TNFSF4: variants seen among roughly 807,000 people sequenced by gnomAD.
TNFSF4 encodes tumor necrosis factor ligand superfamily member 4.
TNFSF4 carries 4 observed loss-of-function variants against 7.3 expected under a neutral mutation model. The observed-to-expected ratio is 0.55, with a 90% CI of 0.27 to 1.25. TNFSF4 has a LOEUF of 1.25. Ranked by LOEUF, TNFSF4 falls within the 50% of genes most tolerant of loss-of-function variation. The pLI is 0.12. For synonymous variants in TNFSF4, 76 were observed against 83.7 expected, an observed-to-expected ratio of 0.91 and a Z score of 0.50; for missense variants, 181 against 208.8, an observed-to-expected ratio of 0.87 and a Z score of 0.82.
chr1:173,222,512 G>A, the TNFSF4 span, among the ~76,000 whole-genome samples: 5 of 152,204 alleles, frequency 3.3e-5, no homozygotes, highest in Admixed American at 2.0e-4. Flanking sequence ...GGAAGGACTG[G>A]TTTAAAATTA....
the TNFSF4 span, among the ~76,000 whole-genome samples, chr1:173,377,535 C>A: frequency 3.8e-3 from 574 of 152,352 alleles, 5 homozygotes; most frequent in African/African-American, 0.012. Context: ...TCTATCCTAT[C>A]GATCCTGACC....
chr1:173,240,523 T>G, the TNFSF4 span, among the ~76,000 whole-genome samples: 1 of 152,196 alleles, frequency 6.6e-6, no homozygotes, highest in Non-Finnish European at 1.5e-5. Flanking sequence ...AAATGTAAAC[T>G]TAAATTATTA....
chr1:173,279,229 T>C, the TNFSF4 span, among the ~76,000 whole-genome samples: 3 of 152,124 alleles, frequency 2.0e-5, no homozygotes, highest in Non-Finnish European at 4.4e-5. Flanking sequence ...CTCACCTTTC[T>C]TTTGATCTTT....
At chr1:173,320,159 G>A in the TNFSF4 span, among the ~76,000 whole-genome samples, 6 of 152,162 alleles carry the variant, frequency 3.9e-5, no homozygotes, top group Non-Finnish European at 7.3e-5. Context: ...TCATCCTTGG[G>A]ATGCAAGGCT....
At chr1:173,431,144 G>A in the TNFSF4 span, among the ~76,000 whole-genome samples, 148 of 152,306 alleles carry the variant, frequency 9.7e-4, 1 homozygote, top group Non-Finnish European at 1.7e-3. Flanking sequence ...TTTTGTTGTT[G>A]TAGACCTAAA....
At chr1:173,332,209 G>GTT in the TNFSF4 span, among the ~76,000 whole-genome samples, 1 of 152,168 alleles carries the variant, frequency 6.6e-6, no homozygotes, top group Non-Finnish European at 1.5e-5. Flanking sequence ...TGATCCAGCT[G>GTT]CTCTCACTCA....
the TNFSF4 span, among the ~76,000 whole-genome samples, chr1:173,438,875 T>C: frequency 2.0e-5 from 3 of 152,232 alleles, no homozygotes; most frequent in East Asian, 5.8e-4. Context: ...TGCACAACTT[T>C]CATTTAGCAT....
At chr1:173,421,510 C>A in the TNFSF4 span, among the ~76,000 whole-genome samples, 1 of 152,162 alleles carries the variant, frequency 6.6e-6, no homozygotes. Flanking sequence ...CATCTGCCAG[C>A]TGCTGGTAAA....
the TNFSF4 span, among the ~76,000 whole-genome samples, chr1:173,304,074 A>C: frequency 1.3e-5 from 2 of 151,898 alleles, no homozygotes; most frequent in South Asian, 2.1e-4. Context: ...GAAAACAGTT[A>C]TTTCTTTCTT....
At chr1:173,417,845 T>C in the TNFSF4 span, 1 of 152,224 alleles carries the variant, frequency 6.6e-6, no homozygotes, top group Non-Finnish European at 1.5e-5. Flanking sequence ...CTCTGAACTT[T>C]AAAGGAACAC....
the TNFSF4 span, among the ~76,000 whole-genome samples, chr1:173,269,689 A>T: frequency 2.0e-5 from 3 of 152,142 alleles, no homozygotes; most frequent in African/African-American, 7.2e-5. Context: ...ATATTTCATC[A>T]TGCTACTCAG....
chr1:173,215,683 A>T, the TNFSF4 span, among the ~76,000 whole-genome samples: 1 of 152,196 alleles, frequency 6.6e-6, no homozygotes, highest in Non-Finnish European at 1.5e-5. Context: ...TGCATTAAAC[A>T]TCTCTTAAAG....
chr1:173,249,364 A>G, the TNFSF4 span, among the ~76,000 whole-genome samples: 1 of 152,248 alleles, frequency 6.6e-6, no homozygotes, highest in African/African-American at 2.4e-5. Context: ...GACATCTCTC[A>G]TATTAACAAA....
At chr1:173,256,516 C>T in the TNFSF4 span, among the ~76,000 whole-genome samples, 1 of 152,112 alleles carries the variant, frequency 6.6e-6, no homozygotes, top group Admixed American at 6.5e-5. Flanking sequence ...AGAGCCATCA[C>T]ATTGGGGGCT....
the TNFSF4 span, among the ~76,000 whole-genome samples, chr1:173,306,472 T>C: frequency 3.3e-5 from 5 of 151,888 alleles, no homozygotes; most frequent in African/African-American, 7.2e-5. Context: ...GCAAAGGTAA[T>C]ATTTCACCAT....
At chr1:173,437,643 C>T in the TNFSF4 span, among the ~76,000 whole-genome samples, 1 of 151,926 alleles carries the variant, frequency 6.6e-6, no homozygotes, top group East Asian at 1.9e-4. Context: ...CTCAATTGAC[C>T]CAAAACCACC....
intron 1 of TNFSF4, among the ~76,000 whole-genome samples, chr1:173,200,241 T>C (rs1281598044): frequency 6.6e-6 from 1 of 152,240 alleles, no homozygotes; most frequent in Non-Finnish European, 1.5e-5. Context: ...AGTCTTAATT[T>C]CTAACCCTGA....
At chr1:173,405,034 C>A in the TNFSF4 span, among the ~76,000 whole-genome samples, 1 of 152,198 alleles carries the variant, frequency 6.6e-6, no homozygotes, top group African/African-American at 2.4e-5. Flanking sequence ...CACATTCTAA[C>A]ATGCTATATA....
chr1:173,236,537 C>T, the TNFSF4 span, among the ~76,000 whole-genome samples: 2 of 151,882 alleles, frequency 1.3e-5, no homozygotes, highest in Non-Finnish European at 2.9e-5. Context: ...ATTGTAGCAA[C>T]CCCATGTTTA....
Sources: allele counts gnomAD v4.1 joint callset (sites outside exome capture counted in the v4.1 genomes callset), GRCh38; gene constraint gnomAD v4.1.1; transcripts MANE v1.5; gene names NCBI Gene and HGNC (gene_info 2026-07-23, HGNC 2026-07-21).